Variants in CSMD3 observed in about 807,000 individuals in gnomAD.
CSMD3 encodes CUB and sushi domain-containing protein 3.
CSMD3 carries 177 observed loss-of-function variants against 435.2 expected under a neutral mutation model. The observed-to-expected ratio is 0.41, with a 90% CI of 0.36 to 0.46. The LOEUF is 0.46. CSMD3 is among the 20% of genes least tolerant of loss of function. The pLI, the probability that CSMD3 is intolerant of heterozygous loss-of-function variation, is 0.34. For synonymous variants in CSMD3, 1,656 were observed against 1,520.5 expected, an observed-to-expected ratio of 1.09 and a Z score of -2.07; for missense variants, 4,265 against 4,504.6, an observed-to-expected ratio of 0.95 and a Z score of 1.52.
intron 3 of CSMD3, among the ~76,000 whole-genome samples, chr8:113,240,432 C>T (rs2093201550): frequency 6.6e-6 from 1 of 152,122 alleles, no homozygotes; most frequent in African/African-American, 2.4e-5. Context: ...GGAATTGTCC[C>T]ATTGTCTTCC....
At chr8:112,758,453 T>C (rs964895494) in intron 13 of CSMD3, among the ~76,000 whole-genome samples, 1 of 152,180 alleles carries the variant, frequency 6.6e-6, no homozygotes, top group Non-Finnish European at 1.5e-5. Flanking sequence ...TTCATTATAT[T>C]TCTAATATAA....
In CSMD3 at chr8:112,335,427, T is replaced by A; in HGVS notation, c.7067A>T (p.Asn2356Ile). ...ACTGTAGACTGATTCCAAAGCGGTA[T>A]TGCCACTGAACTGACCGATCTGAGG... is the stretch of plus-strand genomic sequence containing the variant. ...NSPQIGQFSG[N>I]TALESVYSTS... Residue 2356 changes from asparagine to isoleucine, a missense_variant, in exon 45 of 71, where the codon AAT (asparagine) becomes ATT (isoleucine). Around this residue, in one of 3 missense-constraint regions of CSMD3, gnomAD observed 3,255 missense variants for 3,380.2 expected, o/e 0.96. Transcript: ENST00000297405. 6.2e-7 allele frequency: 1 copy of A among 1,613,064 alleles called. No homozygotes were observed. The highest frequency in any genetic ancestry group is 8.5e-7 in the Non-Finnish European group (1 of 1,179,066).
chr8:112,831,951 T>C (rs1333735945), intron 11 of CSMD3, among the ~76,000 whole-genome samples: 1 of 152,198 alleles, frequency 6.6e-6, no homozygotes, highest in Non-Finnish European at 1.5e-5. Context: ...CTTTATATAT[T>C]ATGGATACTA....
chr8:112,950,280 TC>T (rs2083761550), intron 8 of CSMD3, among the ~76,000 whole-genome samples: 1 of 151,874 alleles, frequency 6.6e-6, no homozygotes, highest in South Asian at 2.1e-4. Context: ...CTCTTTCCAA[TC>T]TTTACAAGGC....
At chr8:113,013,287 T>C (rs1016840514) in intron 6 of CSMD3, among the ~76,000 whole-genome samples, 15 of 152,124 alleles carry the variant, frequency 9.9e-5, no homozygotes, top group South Asian at 4.1e-4. Context: ...TAGTGTTTTA[T>C]CTTTTTAACT....
rs146824644 is a variant in CSMD3 at position 112,298,958 on chromosome 8, T to C, written c.8440+2835A>G. Among the ~76,000 whole-genome samples the C allele has an allele frequency of 1.1e-3, 170 of 152,198 alleles. 3 individuals carry two copies. The East Asian group carries it at 0.019, about 17-fold the overall frequency. On this transcript the variant is annotated intron_variant, in intron 53 of 70. Transcript: ENST00000297405. ...ATTCATAATAGCCTAAAACTGGACA[T>C]AGCCCATGTATCCATCAAAAAGAGA... is the stretch of plus-strand genomic sequence containing the variant.
At position 112,768,775 on chromosome 8, in the gene CSMD3, G is replaced by C. The variant is rs571257290; in HGVS notation, c.1972+31387C>G. On this transcript the variant is annotated intron_variant, in intron 13 of 70. Transcript: ENST00000297405. Reference sequence around the variant, plus strand: ...CATGTTTCCCTCCAATTCTTTTACAGGGTTGTCTGTGTTTATTATGGGTAA... The same window carrying C: ...CATGTTTCCCTCCAATTCTTTTACACGGTTGTCTGTGTTTATTATGGGTAA... Among the ~76,000 whole-genome samples, 4 of 151,946 alleles carry C rather than the reference G, an allele frequency of 2.6e-5. No individual in the cohort carries two copies. The South Asian group carries it at 6.2e-4, about 24-fold the overall frequency.
intron 12 of CSMD3, among the ~76,000 whole-genome samples, chr8:112,807,405 C>T (rs1194073963): frequency 6.6e-6 from 1 of 152,060 alleles, no homozygotes; most frequent in Non-Finnish European, 1.5e-5. Context: ...TCTTATACGA[C>T]ATTTTGAAAG....
intron 66 of CSMD3, among the ~76,000 whole-genome samples, chr8:112,239,158 T>C (rs1283283862): frequency 1.3e-5 from 2 of 152,076 alleles, no homozygotes; most frequent in African/African-American, 4.8e-5. Flanking sequence ...CTGATTTCTG[T>C]ACGTCACTTC....
intron 36 of CSMD3, among the ~76,000 whole-genome samples, chr8:112,385,813 A>G (rs1829892447): frequency 6.6e-6 from 1 of 152,180 alleles, no homozygotes; most frequent in African/African-American, 2.4e-5. Flanking sequence ...GACATCTCCA[A>G]GAAAATCTAT....
At chr8:113,020,347 C>G (rs955500728) in intron 5 of CSMD3, among the ~76,000 whole-genome samples, 15 of 151,888 alleles carry the variant, frequency 9.9e-5, no homozygotes, top group Non-Finnish European at 7.4e-5. Context: ...TATCTTAAAA[C>G]AAAATATTGG....
At chr8:112,381,168 G>A (rs1829431647) in intron 37 of CSMD3, among the ~76,000 whole-genome samples, 1 of 146,232 alleles carries the variant, frequency 6.8e-6, no homozygotes, top group African/African-American at 2.4e-5. Context: ...TAGATAGATA[G>A]ATTATTCTAT....
chr8:112,941,066 G>A (rs2083437757), intron 9 of CSMD3, among the ~76,000 whole-genome samples: 1 of 151,718 alleles, frequency 6.6e-6, no homozygotes, highest in African/African-American at 2.4e-5. Flanking sequence ...GAAAACATGA[G>A]CTAAGAAGTT....
At position 112,788,934 on chromosome 8, in the gene CSMD3, T is replaced by G. The variant is rs539510966; in HGVS notation, c.1972+11228A>C. Among the ~76,000 whole-genome samples the G allele has an allele frequency of 4.6e-5, 7 of 152,238 alleles. No individual in the cohort carries two copies. In the South Asian group the frequency reaches 1.4e-3, roughly 32 times the overall value. On this transcript the variant is annotated intron_variant, in intron 13 of 70. Transcript: ENST00000297405. Reference sequence around the variant, plus strand: ...ATCAACCTTACTCAAATATAAACATTTTCATGAGTCATGCTTAAAAGCCCT... The same window carrying G: ...ATCAACCTTACTCAAATATAAACATGTTCATGAGTCATGCTTAAAAGCCCT...
At chr8:113,396,689 A>G (rs964331785) in intron 1 of CSMD3, among the ~76,000 whole-genome samples, 1 of 152,138 alleles carries the variant, frequency 6.6e-6, no homozygotes, top group Non-Finnish European at 1.5e-5. Context: ...TTCGTACCAA[A>G]GTAGAATATC....
chr8:112,559,070 C>T (rs921860523), intron 24 of CSMD3, among the ~76,000 whole-genome samples: 4 of 151,694 alleles, frequency 2.6e-5, no homozygotes, highest in Non-Finnish European at 4.4e-5. Flanking sequence ...TGTGTTTCTA[C>T]AGGGTTGGGG....
chr8:113,072,887 A>G (rs1430627026), intron 5 of CSMD3, among the ~76,000 whole-genome samples: 1 of 151,672 alleles, frequency 6.6e-6, no homozygotes, highest in African/African-American at 2.4e-5. Flanking sequence ...CGAACACTAA[A>G]TTTTCAAGCT....
At chr8:112,322,828 A>T (rs1416255899) in intron 45 of CSMD3, among the ~76,000 whole-genome samples, 1 of 152,006 alleles carries the variant, frequency 6.6e-6, no homozygotes, top group African/African-American at 2.4e-5. Context: ...CCCTATGTAG[A>T]CTTTAAGTTA....
At chr8:113,341,585 A>T (rs2132847494) in intron 1 of CSMD3, among the ~76,000 whole-genome samples, 1 of 152,280 alleles carries the variant, frequency 6.6e-6, no homozygotes, top group African/African-American at 2.4e-5. Flanking sequence ...ATAAATATAT[A>T]TATGAGACAT....
Sources: allele counts gnomAD v4.1 joint callset (sites outside exome capture counted in the v4.1 genomes callset), GRCh38; gene constraint gnomAD v4.1.1; regional missense constraint gnomAD v4.1.1; transcripts MANE v1.5; gene names NCBI Gene and HGNC (gene_info 2026-07-23, HGNC 2026-07-21).